TSHZ3: variants seen among roughly 807,000 people sequenced by gnomAD.
TSHZ3 encodes teashirt homolog 3.
A neutral mutation model predicts 64.5 loss-of-function variants in TSHZ3; 10 were observed. That is an observed-to-expected ratio of 0.16 (90% CI 0.10 to 0.26). The LOEUF (loss-of-function observed/expected upper bound fraction) is 0.26. Ranked by LOEUF, TSHZ3 falls within the 10% of genes least tolerant of loss-of-function variation. TSHZ3 has a pLI of 1.00. For missense variants in TSHZ3, 1,242 were observed against 1,421.7 expected, an observed-to-expected ratio of 0.87 and a Z score of 2.03; for synonymous variants, 608 against 593.1, an observed-to-expected ratio of 1.03 and a Z score of -0.36.
At chr19:31,202,306 A>G (rs1353536) in intron 5 of TSHZ3, among the ~76,000 whole-genome samples, 108,330 of 152,110 alleles carry the variant, frequency 0.71, 39,002 homozygotes, top group African/African-American at 0.83. Flanking sequence ...TAAAATTGTA[A>G]TTTCCCAGGA....
intron 1 of TSHZ3, among the ~76,000 whole-genome samples, chr19:31,262,291 G>A (rs910710732): frequency 6.6e-6 from 1 of 152,138 alleles, no homozygotes; most frequent in African/African-American, 2.4e-5. Flanking sequence ...ACAATGGCTC[G>A]GACTAATGGA....
chr19:31,168,437 G>A (rs567190038), intron 5 of TSHZ3, among the ~76,000 whole-genome samples: 1 of 152,294 alleles, frequency 6.6e-6, no homozygotes, highest in South Asian at 2.1e-4. Context: ...GCTCAAAATG[G>A]CCAAGCTGCG....
chr19:31,297,067 A>T (rs572515751), intron 1 of TSHZ3, among the ~76,000 whole-genome samples: 1 of 152,312 alleles, frequency 6.6e-6, no homozygotes, highest in South Asian at 2.1e-4. Flanking sequence ...TACCCAAAGC[A>T]TCCAGGGGGC....
intron 1 of TSHZ3, among the ~76,000 whole-genome samples, chr19:31,306,296 G>A (rs538672551): frequency 1.3e-5 from 2 of 152,310 alleles, no homozygotes; most frequent in Admixed American, 1.3e-4. Context: ...TGACAAATTG[G>A]ATGGGACTTC....
intron 1 of TSHZ3, among the ~76,000 whole-genome samples, chr19:31,303,037 T>C (rs1336562328): frequency 6.6e-6 from 1 of 152,216 alleles, no homozygotes; most frequent in African/African-American, 2.4e-5. Flanking sequence ...CATCCACATA[T>C]GCACAAATGG....
intron 1 of TSHZ3, among the ~76,000 whole-genome samples, chr19:31,315,646 G>T (rs11671611): frequency 6.6e-6 from 1 of 152,176 alleles, no homozygotes; most frequent in Non-Finnish European, 1.5e-5. Context: ...AATAAAAAGG[G>T]GCTAAAATCA....
chr19:31,181,474 G>A (rs548323348), intron 5 of TSHZ3, among the ~76,000 whole-genome samples: 177 of 152,314 alleles, frequency 1.2e-3, no homozygotes, highest in African/African-American at 4.2e-3. Flanking sequence ...TCCCTCTGCA[G>A]TAGCAGTGCT....
At chr19:31,265,055 A>G (rs1395834083) in intron 1 of TSHZ3, among the ~76,000 whole-genome samples, 2 of 152,034 alleles carry the variant, frequency 1.3e-5, no homozygotes, top group African/African-American at 4.8e-5. Context: ...AAGGAGGAGG[A>G]GACACTGCCT....
At position 31,335,155 on chromosome 19, in the gene TSHZ3, T is replaced by C. The variant is rs535881363; in HGVS notation, c.40+14025A>G. 1.6e-3 allele frequency among the ~76,000 whole-genome samples: 237 copies of C among 152,332 alleles called. 7 individuals carry two copies. The South Asian group carries it at 0.048, about 31-fold the overall frequency. On this transcript the variant is annotated intron_variant, in intron 1 of 1. Coordinates refer to ENST00000240587, the MANE Select transcript of TSHZ3 (RefSeq NM_020856.4). ...TTTTACTAGCATTAAAGGTTGACAT[T>C]TTTTATATGTGAATTCACAAATCTA...
intron 1 of TSHZ3, among the ~76,000 whole-genome samples, chr19:31,282,136 C>A (rs1039763902): frequency 6.6e-6 from 1 of 152,106 alleles, no homozygotes; most frequent in Admixed American, 6.5e-5. Flanking sequence ...CGGGTGCATG[C>A]ATATATGATG....
intron 1 of TSHZ3, among the ~76,000 whole-genome samples, chr19:31,347,600 C>T (rs371032328): frequency 6.6e-6 from 1 of 152,188 alleles, no homozygotes; most frequent in Non-Finnish European, 1.5e-5. Flanking sequence ...GAAGGTGGGA[C>T]GGGCAAGAAG....
intron 1 of TSHZ3, among the ~76,000 whole-genome samples, chr19:31,257,544 A>AC (rs1457357842): frequency 6.6e-6 from 1 of 152,112 alleles, no homozygotes; most frequent in East Asian, 1.9e-4. Flanking sequence ...CCTCTGGAGG[A>AC]CCCCGTGAAA....
chr19:31,171,738 A>G (rs1444539867), intron 5 of TSHZ3, among the ~76,000 whole-genome samples: 1 of 152,038 alleles, frequency 6.6e-6, no homozygotes, highest in Non-Finnish European at 1.5e-5. Flanking sequence ...GTGGGGTAGG[A>G]GTGGATTTTT....
At chr19:31,263,838 T>A (rs978528605) in intron 1 of TSHZ3, among the ~76,000 whole-genome samples, 1 of 152,118 alleles carries the variant, frequency 6.6e-6, no homozygotes, top group African/African-American at 2.4e-5. Context: ...AATAATTAAA[T>A]AACTAAATAA....
intron 1 of TSHZ3, among the ~76,000 whole-genome samples, chr19:31,301,436 G>A (rs547546837): frequency 6.6e-6 from 1 of 152,330 alleles, no homozygotes; most frequent in South Asian, 2.1e-4. Flanking sequence ...GATGACATCT[G>A]CTGGGGCTGT....
rs1358858586 is a variant in TSHZ3, at chr19:31,275,087, C to G, written c.*1460G>C. On this transcript the variant is annotated 3_prime_UTR_variant, in exon 2 of 2. Transcript: ENST00000240587. ...GCTGTTTACATGCCAATATTTTATACAAAGGTTCTCATATGGTGTCAGCTG... is the reference window on the plus strand; with the variant it reads ...GCTGTTTACATGCCAATATTTTATAGAAAGGTTCTCATATGGTGTCAGCTG... The G allele has an allele frequency of 6.6e-6, 1 of 152,494 alleles. No homozygotes were observed. Among genetic ancestry groups the G allele is most frequent in the Non-Finnish European group, 1.5e-5 (1 of 68,020 alleles). The allele number at this position is 152,494 out of a possible 1,614,324, so 9.4% of individuals were successfully genotyped here. A position where few individuals can be genotyped will look rare whatever the true frequency, so the allele number is the denominator to read the frequency against.
At chr19:31,230,785 C>T (rs1044021209) in intron 3 of TSHZ3, among the ~76,000 whole-genome samples, 2 of 150,494 alleles carry the variant, frequency 1.3e-5, no homozygotes, top group African/African-American at 2.5e-5. Context: ...CTGCAAGCTC[C>T]GCCTCCCGGG....
chr19:31,292,385 T>C (rs888460627), intron 1 of TSHZ3, among the ~76,000 whole-genome samples: 1 of 152,204 alleles, frequency 6.6e-6, no homozygotes, highest in Non-Finnish European at 1.5e-5. Flanking sequence ...TCTAAAAACC[T>C]GGGAAAAGCA....
chr19:31,151,506 G>C (rs574911661), exon 7 of TSHZ3, among the ~76,000 whole-genome samples: 3 of 152,134 alleles, frequency 2.0e-5, no homozygotes, highest in African/African-American at 7.2e-5. Flanking sequence ...TTGTTTAAAC[G>C]TTGTACACAT....
Sources: gnomAD v4.1 joint callset for allele counts (sites outside exome capture counted in the v4.1 genomes callset) on GRCh38, gnomAD v4.1.1 for gene constraint, MANE v1.5 for transcripts, NCBI Gene and HGNC (gene_info 2026-07-23, HGNC 2026-07-21) for gene names.